Variants in GPD2 observed in about 807,000 individuals in gnomAD.
GPD2 encodes glycerol-3-phosphate dehydrogenase, mitochondrial.
GPD2 carries 54 observed loss-of-function variants against 82.4 expected under a neutral mutation model. The observed-to-expected ratio is 0.66, with a 90% confidence interval of 0.53 to 0.82. The LOEUF (loss-of-function observed/expected upper bound fraction) is 0.82. Ranked by LOEUF, GPD2 falls within the 40% of genes least tolerant of loss-of-function variation. GPD2 has a pLI of 0.00. For missense variants in GPD2, 748 were observed against 896.2 expected (o/e 0.83, Z 2.11); for synonymous variants, 288 against 306.1 (o/e 0.94, Z 0.62).
At chr2:156,552,175 GT>G (rs1401286863) in intron 8 of GPD2, among the ~76,000 whole-genome samples, 1 of 152,058 alleles carries the variant, frequency 6.6e-6, no homozygotes, top group Admixed American at 6.5e-5. Flanking sequence ...TTTCCTTTGC[GT>G]TTTCAAAATG....
Position 156,571,304 on chromosome 2 carries a change from A to C in GPD2, c.1767+12A>C. 6.5e-7 allele frequency: 1 copy of C among 1,548,754 alleles called. No homozygotes were observed. The highest frequency in any genetic ancestry group is 2.3e-5 in the East Asian group (1 of 44,174). On this transcript the variant is annotated intron_variant, in intron 13 of 16. Coordinates refer to ENST00000438166, the MANE Select transcript of GPD2 (RefSeq NM_000408.5). Reference sequence around the variant, plus strand: ...ATTATAAGAAGCAGGTATTATATAGAAGTCTTTAAAACCACAATTCCTATT... The same window carrying C: ...ATTATAAGAAGCAGGTATTATATAGCAGTCTTTAAAACCACAATTCCTATT...
At chr2:156,435,096 G>A (rs1313209670), upstream of GPD2, among the ~76,000 whole-genome samples, 1 of 152,034 alleles carries the variant, frequency 6.6e-6, no homozygotes, top group Non-Finnish European at 1.5e-5. Context: ...CTGAGTTTGG[G>A]ATTTAATAAA....
At chr2:156,533,447 C>T (rs560452327) in intron 6 of GPD2, among the ~76,000 whole-genome samples, 7 of 152,160 alleles carry the variant, frequency 4.6e-5, no homozygotes, top group South Asian at 2.1e-4. Context: ...GACCAGCCTG[C>T]GTCTCACCAT....
intron 16 of GPD2, among the ~76,000 whole-genome samples, chr2:156,580,267 T>C (rs1057328924): frequency 6.6e-6 from 1 of 152,182 alleles, no homozygotes; most frequent in Non-Finnish European, 1.5e-5. Flanking sequence ...ATTCTGTCAT[T>C]ATAAAGAACT....
chr2:156,438,883 A>G lies in GPD2; in HGVS notation c.-9+2370A>G, dbSNP rs2105133612. Among the ~76,000 whole-genome samples the G allele has an allele frequency of 1.3e-5, 2 of 152,312 alleles. 1 individual carries two copies. The highest frequency in any genetic ancestry group is 4.8e-5 in the African/African-American group (2 of 41,562). ...GAAAACAATTGGAGACCAACATAAG[A>G]CCTCGTACAATCATTTTTCCAGTGG... is the stretch of plus-strand genomic sequence containing the variant. On this transcript the variant is annotated intron_variant, in intron 1 of 16. Transcript: ENST00000438166.
intron 2 of GPD2, among the ~76,000 whole-genome samples, chr2:156,487,580 C>A (rs1207676046): frequency 6.6e-6 from 1 of 152,168 alleles, no homozygotes; most frequent in Admixed American, 6.5e-5. Flanking sequence ...ATTACTTGCT[C>A]AAGGGATAAC....
At chr2:156,505,821 ACCTCCCT>A (rs1486679162) in intron 3 of GPD2, among the ~76,000 whole-genome samples, 71 of 152,194 alleles carry the variant, frequency 4.7e-4, no homozygotes, top group Non-Finnish European at 9.6e-4. Flanking sequence ...AAGATAAAAC[ACCTCCCT>A]CTTTTCACTT....
intron 1 of GPD2, among the ~76,000 whole-genome samples, chr2:156,443,525 A>G (rs1393638315): frequency 2.0e-5 from 3 of 152,180 alleles, no homozygotes; most frequent in Non-Finnish European, 4.4e-5. Context: ...ATTCAACTGG[A>G]TACTTTAAGC....
chr2:156,486,902 C>T (rs191630174), intron 2 of GPD2, among the ~76,000 whole-genome samples: 253 of 152,260 alleles, frequency 1.7e-3, no homozygotes, highest in Non-Finnish European at 2.9e-3. Context: ...AGCTTGGAAC[C>T]GGCTGGTTGG....
chr2:156,536,397 A>G (rs929334110), intron 6 of GPD2, among the ~76,000 whole-genome samples: 16 of 152,238 alleles, frequency 1.1e-4, no homozygotes, highest in African/African-American at 3.6e-4. Context: ...AGAATTCAAC[A>G]TTGTTGACAT....
intron 8 of GPD2, among the ~76,000 whole-genome samples, chr2:156,551,477 G>A (rs895174123): frequency 6.6e-5 from 10 of 152,050 alleles, no homozygotes; most frequent in Admixed American, 4.6e-4. Flanking sequence ...GAAGAAATTC[G>A]TATGGCCATG....
At chr2:156,519,581 G>A (rs1685321680) in intron 6 of GPD2, among the ~76,000 whole-genome samples, 1 of 152,224 alleles carries the variant, frequency 6.6e-6, no homozygotes, top group Admixed American at 6.5e-5. Flanking sequence ...TTAAAATTAT[G>A]TAAATATTGA....
At chr2:156,552,808 A>G (rs1041944199) in intron 8 of GPD2, among the ~76,000 whole-genome samples, 7 of 150,850 alleles carry the variant, frequency 4.6e-5, no homozygotes, top group East Asian at 2.0e-4. Context: ...ATACCTTGCT[A>G]TAGGACTTCT....
the GPD2 span, among the ~76,000 whole-genome samples, chr2:156,427,504 A>G: frequency 5.9e-5 from 9 of 152,212 alleles, no homozygotes; most frequent in East Asian, 3.8e-4. Flanking sequence ...CTCAAATTTT[A>G]CAAGGCTTTG....
At chr2:156,426,288 G>T in the GPD2 span, among the ~76,000 whole-genome samples, 2 of 152,182 alleles carry the variant, frequency 1.3e-5, no homozygotes, top group Admixed American at 6.5e-5. Flanking sequence ...CCAGGGAGGC[G>T]GCAGAAAACT....
intron 6 of GPD2, among the ~76,000 whole-genome samples, chr2:156,546,920 C>T (rs79416486): frequency 6.6e-6 from 1 of 152,094 alleles, no homozygotes; most frequent in African/African-American, 2.4e-5. Flanking sequence ...ATTTCAATAC[C>T]TGTTTAACAC....
chr2:156,417,198 G>A, the GPD2 span, among the ~76,000 whole-genome samples: 1 of 152,144 alleles, frequency 6.6e-6, no homozygotes, highest in Non-Finnish European at 1.5e-5. Flanking sequence ...CTAGCACAGT[G>A]TCTCTCATAT....
Position 156,570,101 on chromosome 2 carries a change from T to C in GPD2, c.1491T>C (p.Leu497=), listed in dbSNP as rs774905704. ...YGLESEVAQH[L]AATYGDKAFE... is the part of the protein sequence containing the mutation. Reference sequence around the variant, plus strand: ...TATTTCTCTAGGTGGCACAGCATCTTGCCGCCACCTATGGTGATAAGGCCT... The same window carrying C: ...TATTTCTCTAGGTGGCACAGCATCTCGCCGCCACCTATGGTGATAAGGCCT... The change falls in exon 12 of 17, where the codon CTT becomes CTC. Residue 497 remains leucine (L), a synonymous_variant. Coordinates refer to ENST00000438166, the MANE Select transcript of GPD2 (RefSeq NM_000408.5). 13 of 1,611,510 alleles carry C rather than the reference T, an allele frequency of 8.1e-6. No individual in the cohort carries two copies. The South Asian group carries it at 1.4e-4, about 18-fold the overall frequency.
At chr2:156,510,964 T>A (rs1456245183) in intron 4 of GPD2, 44 bp downstream of exon 4, 1 of 1,581,138 alleles carries the variant, frequency 6.3e-7, no homozygotes, top group East Asian at 2.2e-5. Context: ...GCAACTGTGC[T>A]TTTTTCTACC....
Sources: gnomAD v4.1 joint callset for allele counts (sites outside exome capture counted in the v4.1 genomes callset) on GRCh38, gnomAD v4.1.1 for gene constraint, MANE v1.5 for transcripts, NCBI Gene and HGNC (gene_info 2026-07-23, HGNC 2026-07-21) for gene names.